DNER: variants seen among roughly 807,000 people sequenced by gnomAD.
The protein encoded by DNER is delta/notch like EGF repeat containing.
DNER carries 33 observed loss-of-function variants against 78.2 expected under a neutral mutation model. The observed-to-expected ratio is 0.42, with a 90% CI of 0.32 to 0.56. The LOEUF is 0.56. Among genes scored for constraint, DNER ranks in the 20% least tolerant of loss-of-function variants. The pLI, the probability that DNER is intolerant of heterozygous loss-of-function variation, is 0.11. For synonymous variants in DNER, 417 were observed against 384.8 expected (o/e 1.08, Z -0.98); for missense variants, 918 against 975.3 (o/e 0.94, Z 0.78).
At chr2:229,426,496 T>C (rs949897306) in intron 8 of DNER, among the ~76,000 whole-genome samples, 10 of 149,464 alleles carry the variant, frequency 6.7e-5, no homozygotes, top group Non-Finnish European at 6.0e-5. Context: ...AATCCTATTA[T>C]ATTAACATGA....
intron 8 of DNER, among the ~76,000 whole-genome samples, chr2:229,424,979 A>G (rs1266363768): frequency 6.6e-6 from 1 of 152,216 alleles, no homozygotes; most frequent in African/African-American, 2.4e-5. Flanking sequence ...TTGGAGAACC[A>G]CTGTTCTAGA....
At chr2:229,625,603 C>T (rs1165113726) in intron 1 of DNER, among the ~76,000 whole-genome samples, 2 of 152,118 alleles carry the variant, frequency 1.3e-5, no homozygotes, top group Admixed American at 1.3e-4. Context: ...CAACAAAGAG[C>T]CTCTTATCAA....
intron 1 of DNER, among the ~76,000 whole-genome samples, chr2:229,603,983 C>T (rs1697885418): frequency 6.6e-6 from 1 of 152,158 alleles, no homozygotes; most frequent in African/African-American, 2.4e-5. Context: ...TCCAGAGTGA[C>T]TCTCCCTCCA....
At chr2:229,607,993 G>A in intron 1 of DNER, among the ~76,000 whole-genome samples, 1 of 134,632 alleles carries the variant, frequency 7.4e-6, no homozygotes, top group Admixed American at 8.3e-5. Flanking sequence ...CTCCACTCCA[G>A]CCTGGGTGAC....
chr2:229,512,020 C>T (rs148469132), intron 6 of DNER, among the ~76,000 whole-genome samples: 2,281 of 152,246 alleles, frequency 0.015, 59 homozygotes, highest in African/African-American at 0.053. Flanking sequence ...GCTCAAATGC[C>T]CATCAATCAA....
chr2:229,514,619 A>T (rs1695932257), intron 5 of DNER, among the ~76,000 whole-genome samples: 2 of 152,250 alleles, frequency 1.3e-5, no homozygotes, highest in South Asian at 4.1e-4. Context: ...ATTATACAAA[A>T]TGGTTTTAAT....
chr2:229,366,389 A>G (rs1484622540), intron 12 of DNER, among the ~76,000 whole-genome samples: 1 of 152,014 alleles, frequency 6.6e-6, no homozygotes, highest in Non-Finnish European at 1.5e-5. Context: ...CACCACACTA[A>G]CTCCTTGTCC....
At position 229,550,350 on chromosome 2, in the gene DNER, T is replaced by C. The variant is rs1054268377; in HGVS notation, c.848-3258A>G. On this transcript the variant is annotated intron_variant, in intron 4 of 12. Transcript: ENST00000341772. ...AAGTTTTTTATTTCGATTATCATAG[T>C]TCAGGCATCACAACTTCAAACAGGC... 3.9e-5 allele frequency among the ~76,000 whole-genome samples: 6 copies of C among 152,194 alleles called. No individual in the cohort carries two copies. In the East Asian group the frequency reaches 7.7e-4, roughly 20 times the overall value.
chr2:229,628,706 A>G lies in DNER; in HGVS notation c.277-36818T>C, dbSNP rs115439933. ...AGAGAGGACCTGCAATCCTCACCCAAGAAGTCATCACTGCAACCCAGCTTC... is the reference window on the plus strand; with the variant it reads ...AGAGAGGACCTGCAATCCTCACCCAGGAAGTCATCACTGCAACCCAGCTTC... On this transcript the variant is annotated intron_variant, in intron 1 of 12. Coordinates refer to ENST00000341772, the MANE Select transcript of DNER (RefSeq NM_139072.4). Among the ~76,000 whole-genome samples the G allele has an allele frequency of 3.0e-3, 461 of 152,256 alleles. 4 individuals are homozygous for G. The highest frequency in any genetic ancestry group is 3.4e-3 in the Middle Eastern group (1 of 294).
intron 4 of DNER, among the ~76,000 whole-genome samples, chr2:229,552,529 T>C (rs79409617): frequency 6.6e-6 from 1 of 152,166 alleles, no homozygotes; most frequent in Non-Finnish European, 1.5e-5. Flanking sequence ...GTTCTCCTGA[T>C]AGTGAGCGAG....
chr2:229,662,141 C>T (rs1699019600), intron 1 of DNER, among the ~76,000 whole-genome samples: 1 of 152,138 alleles, frequency 6.6e-6, no homozygotes, highest in Non-Finnish European at 1.5e-5. Context: ...GCTAGGCTGA[C>T]AAAGAAAATC....
chr2:229,664,914 A>G (rs1574551400), intron 1 of DNER, among the ~76,000 whole-genome samples: 1 of 152,326 alleles, frequency 6.6e-6, no homozygotes, highest in Admixed American at 6.5e-5. Context: ...AAAAAAAGTT[A>G]CATATAATAC....
chr2:229,470,406 T>C (rs1694899212), intron 7 of DNER, among the ~76,000 whole-genome samples: 1 of 152,080 alleles, frequency 6.6e-6, no homozygotes, highest in South Asian at 2.1e-4. Flanking sequence ...GCAGCCATTT[T>C]CCCCAGTGCT....
chr2:229,552,822 T>C (rs565573798), intron 4 of DNER, among the ~76,000 whole-genome samples: 307 of 152,308 alleles, frequency 2.0e-3, no homozygotes, highest in African/African-American at 7.1e-3. Flanking sequence ...TACTGTTTTG[T>C]GTGGCTTTGG....
At chr2:229,657,895 C>T (rs1220619766) in intron 1 of DNER, among the ~76,000 whole-genome samples, 1 of 152,088 alleles carries the variant, frequency 6.6e-6, no homozygotes, top group East Asian at 1.9e-4. Flanking sequence ...GGGATACCTG[C>T]ATTTCAAGGG....
At chr2:229,425,474 C>T (rs1693853551) in intron 8 of DNER, among the ~76,000 whole-genome samples, 1 of 152,184 alleles carries the variant, frequency 6.6e-6, no homozygotes, top group Non-Finnish European at 1.5e-5. Flanking sequence ...CAGACCCTGA[C>T]CTGCTCCAGA....
chr2:229,630,917 A>G (rs190178724), intron 1 of DNER, among the ~76,000 whole-genome samples: 78 of 152,206 alleles, frequency 5.1e-4, no homozygotes, highest in African/African-American at 1.7e-3. Flanking sequence ...GTGTCAATTC[A>G]CTTAAGATAA....
chr2:229,377,268 T>A (rs1025663083), intron 11 of DNER, among the ~76,000 whole-genome samples: 1 of 152,224 alleles, frequency 6.6e-6, no homozygotes, highest in South Asian at 2.1e-4. Context: ...TTCAATAGTT[T>A]AACTGTATTT....
At chr2:229,615,480 C>T (rs1275146082) in intron 1 of DNER, among the ~76,000 whole-genome samples, 6 of 151,464 alleles carry the variant, frequency 4.0e-5, no homozygotes, top group African/African-American at 9.7e-5. Flanking sequence ...GAGGCCGAGG[C>T]GGGTGGATCA....
Sources: allele counts gnomAD v4.1 joint callset (sites outside exome capture counted in the v4.1 genomes callset), GRCh38; gene constraint gnomAD v4.1.1; transcripts MANE v1.5; gene names NCBI Gene and HGNC (gene_info 2026-07-23, HGNC 2026-07-21).